PRR14L: variants seen among roughly 807,000 people sequenced by gnomAD.
PRR14L encodes proline rich 14 like.
Under a neutral mutation model 155.0 loss-of-function variants are expected in PRR14L, and 80 were observed. The ratio of observed to expected loss-of-function variants is 0.52; its 90% confidence interval spans 0.43 to 0.62. PRR14L has a LOEUF of 0.62. Among genes scored for constraint, PRR14L ranks in the 20% least tolerant of loss-of-function variants. The pLI, the probability that PRR14L is intolerant of heterozygous loss-of-function variation, is 0.00. For missense variants in PRR14L, 2,469 were observed against 2,548.0 expected (o/e 0.97, Z 0.67); for synonymous variants, 883 against 916.0 (o/e 0.96, Z 0.65).
intron 1 of PRR14L, among the ~76,000 whole-genome samples, chr22:31,746,004 C>G (rs953035904): frequency 1.3e-5 from 2 of 151,538 alleles, no homozygotes; most frequent in African/African-American, 4.9e-5. Flanking sequence ...GATCACAGCT[C>G]TCTATAACTT....
chr22:31,729,957 T>C (rs1348521343), intron 2 of PRR14L, among the ~76,000 whole-genome samples: 1 of 148,912 alleles, frequency 6.7e-6, no homozygotes, highest in Non-Finnish European at 1.5e-5. Context: ...GCGGATCACC[T>C]GAGGTCAACT....
chr22:31,683,957 T>C lies in PRR14L; in HGVS notation c.*1570A>G, dbSNP rs1190150520. ...TCTGACGGTTCCCATCGGCGGCTGC[T>C]CCATGCCAGTGGCTCCCAGGAGGAT... On this transcript the variant is annotated 3_prime_UTR_variant, in exon 9 of 9. Transcript: ENST00000327423. 2.0e-5 allele frequency: 3 copies of C among 152,186 alleles called. No individual in the cohort carries two copies. The highest frequency in any genetic ancestry group is 7.2e-5 in the African/African-American group (3 of 41,408). 9.4% of individuals were successfully genotyped at this position (152,186 alleles called of 1,614,324 possible).
intron 7 of PRR14L, among the ~76,000 whole-genome samples, chr22:31,695,366 C>A (rs1569497345): frequency 6.6e-6 from 1 of 152,100 alleles, no homozygotes; most frequent in Non-Finnish European, 1.5e-5. Context: ...GCTTCTCTTT[C>A]CGGTTTGGTG....
intron 4 of PRR14L, among the ~76,000 whole-genome samples, chr22:31,709,254 GT>G (rs538629760): frequency 9.9e-4 from 133 of 134,790 alleles, no homozygotes; most frequent in Middle Eastern, 4.2e-3. Flanking sequence ...ATTTGTTGTT[GT>G]TTTTTTTTTT....
chr22:31,726,033 T>C (rs991853095), intron 2 of PRR14L, among the ~76,000 whole-genome samples: 2 of 152,044 alleles, frequency 1.3e-5, no homozygotes, highest in Non-Finnish European at 2.9e-5. Context: ...GTCACAAGGA[T>C]TGGGCACTGA....
At chr22:31,731,565 CAAAAAAAAAAAAAAAAA>C (rs55727852) in intron 2 of PRR14L, among the ~76,000 whole-genome samples, 2 of 49,248 alleles carry the variant, frequency 4.1e-5, no homozygotes, top group African/African-American at 1.3e-4. Flanking sequence ...GAGACTGTCT[CAAAAAAAAAAAAAAAAA>C]AAAAAAAAAA....
At chr22:31,693,151 A>G (rs2074519559) in intron 7 of PRR14L, among the ~76,000 whole-genome samples, 2 of 152,120 alleles carry the variant, frequency 1.3e-5, no homozygotes, top group South Asian at 4.1e-4. Flanking sequence ...GTTGTCTTCT[A>G]TGAGTTTTGA....
At position 31,715,305 on chromosome 22, in the gene PRR14L, CT is replaced by C; in HGVS notation, c.2533del (p.Ser845AlafsTer5). On this transcript the variant is annotated frameshift_variant, in exon 4 of 9. Transcript: ENST00000327423. LOFTEE classifies it high-confidence loss of function. ...TGATGTGTAACTCACTTTACAGCTG[CT>C]TTTTTCCACAGAGTGTCCTGTTCCT... ...CQGTGHSVEK[S>X]SCKVSYTSQE... is the part of the protein sequence containing the mutation. 1 of 1,552,116 alleles carries C rather than the reference CT, an allele frequency of 6.4e-7. No individual in the cohort carries two copies. The highest frequency in any genetic ancestry group is 8.7e-7 in the Non-Finnish European group (1 of 1,147,092).
In PRR14L at chr22:31,713,685, T is replaced by C. The variant is rs984780426; in HGVS notation, c.4154A>G (p.His1385Arg). Reference sequence around the variant, plus strand: ...CTCAGGGCTCTGCTGTTTTTCAGCATGATTAAGTATCCCCCGGCATTTAAA... The same window carrying C: ...CTCAGGGCTCTGCTGTTTTTCAGCACGATTAAGTATCCCCCGGCATTTAAA... ...THFKCRGILN[H>R]AEKQQSPEVL... is the part of the protein sequence containing the mutation. The change falls in exon 4 of 9, where the codon CAT becomes CGT. Residue 1385 changes from histidine (H) to arginine (R), a missense_variant. Around this residue, in one of 2 missense-constraint regions of PRR14L, gnomAD observed 2,363 missense variants for 2,371.6 expected, o/e 1.00. Coordinates refer to ENST00000327423, the MANE Select transcript of PRR14L (RefSeq NM_173566.3). The C allele has an allele frequency of 1.3e-6, 2 of 1,552,086 alleles. No individual in the cohort carries two copies. The highest frequency in any genetic ancestry group is 1.4e-5 in the African/African-American group (1 of 73,056).
At chr22:31,690,149 T>C (rs1332334353) in intron 7 of PRR14L, among the ~76,000 whole-genome samples, 1 of 152,198 alleles carries the variant, frequency 6.6e-6, no homozygotes, top group African/African-American at 2.4e-5. Flanking sequence ...ACTCCTGACC[T>C]CAGGTGATTC....
At chr22:31,729,975 C>T (rs2074739179) in intron 2 of PRR14L, among the ~76,000 whole-genome samples, 1 of 151,626 alleles carries the variant, frequency 6.6e-6, no homozygotes, top group Admixed American at 6.6e-5. Context: ...ACTGTGAAAC[C>T]CCATCTCTAC....
chr22:31,734,446 A>G (rs979247060), intron 2 of PRR14L, among the ~76,000 whole-genome samples: 3 of 152,234 alleles, frequency 2.0e-5, no homozygotes, highest in Non-Finnish European at 4.4e-5. Context: ...GCTCTTATAA[A>G]TTGAGATCAG....
Position 31,685,515 on chromosome 22 carries a change from C to G in PRR14L, c.*12G>C. On this transcript the variant is annotated 3_prime_UTR_variant, in exon 9 of 9. Coordinates refer to ENST00000327423, the MANE Select transcript of PRR14L (RefSeq NM_173566.3). ...AAACCCTAAAATTGAGACCCTCAAA[C>G]TGAATCGCTTCTCAACAGCCTGATG... 2 of 1,520,764 alleles carry G rather than the reference C, an allele frequency of 1.3e-6. No individual in the cohort carries two copies. Among genetic ancestry groups the G allele is most frequent in the Non-Finnish European group, 1.8e-6 (2 of 1,126,990 alleles). The allele number at this position is 1,520,764 out of a possible 1,614,324, so 94.2% of individuals were successfully genotyped here. A position where few individuals can be genotyped will look rare whatever the true frequency, so the allele number is the denominator to read the frequency against.
At position 31,714,799 on chromosome 22, in the gene PRR14L, C is replaced by T; in HGVS notation, c.3040G>A (p.Asp1014Asn). ...PHGEVNHNQK[D>N]LLVSSGSNNS... ...TTACTGCCTGAGCTGACCAGCAGAT[C>T]CTTTTGGTTGTGGTTTACCTCCCCG... Residue 1014 changes from aspartate to asparagine, a missense_variant, in exon 4 of 9, where the codon GAT (aspartate) becomes AAT (asparagine). Physicochemically the swap from Asp to Asn is conservative, Grantham distance 23. This residue lies in a region of PRR14L where 2,363 missense variants were observed against 2,371.6 expected (regional missense o/e 1.00). Coordinates refer to ENST00000327423, the MANE Select transcript of PRR14L (RefSeq NM_173566.3). 6.4e-7 allele frequency: 1 copy of T among 1,552,276 alleles called. No individual in the cohort carries two copies.
intron 7 of PRR14L, among the ~76,000 whole-genome samples, chr22:31,699,622 A>G (rs1810121315): frequency 1.3e-5 from 2 of 152,230 alleles, no homozygotes; most frequent in Admixed American, 1.3e-4. Context: ...GCATTATTAA[A>G]ATGGATAAAT....
chr22:31,720,972 C>A (rs1411232217), intron 3 of PRR14L, among the ~76,000 whole-genome samples: 1 of 152,206 alleles, frequency 6.6e-6, no homozygotes, highest in Non-Finnish European at 1.5e-5. Context: ...ACCTTTCTTA[C>A]ACATAAACTT....
chr22:31,727,578 G>A (rs1432101088), intron 2 of PRR14L, among the ~76,000 whole-genome samples: 1 of 152,040 alleles, frequency 6.6e-6, no homozygotes, highest in African/African-American at 2.4e-5. Flanking sequence ...CTTCCTCCCT[G>A]ACTTATTGAC....
chr22:31,723,755 TAAGA>T (rs2147869032), intron 3 of PRR14L, among the ~76,000 whole-genome samples: 1 of 152,358 alleles, frequency 6.6e-6, no homozygotes, highest in African/African-American at 2.4e-5. Context: ...TCCTTTTTCA[TAAGA>T]AAGATTGGTG....
intron 4 of PRR14L, 131 bp downstream of exon 4, chr22:31,711,952 G>A (rs1046633709): frequency 3.3e-5 from 27 of 827,926 alleles, no homozygotes; most frequent in Non-Finnish European, 4.1e-5. Flanking sequence ...CAGAGATTTC[G>A]CAAGGTAAAT....
Sources: gnomAD v4.1 joint callset for allele counts (sites outside exome capture counted in the v4.1 genomes callset) on GRCh38, gnomAD v4.1.1 for gene constraint, gnomAD v4.1.1 regional missense constraint, MANE v1.5 for transcripts, NCBI Gene and HGNC (gene_info 2026-07-23, HGNC 2026-07-21) for gene names.